The following CLBA1 variants were observed in gnomAD, a reference collection of about 807,000 sequenced individuals.
The protein encoded by CLBA1 is uncharacterized protein CLBA1.
CLBA1 carries 30 observed loss-of-function variants against 28.8 expected under a neutral mutation model. The ratio of observed to expected loss-of-function variants is 1.04; its 90% confidence interval spans 0.78 to 1.41. CLBA1 has a LOEUF of 1.41. Ranked by LOEUF, CLBA1 falls within the 40% of genes most tolerant of loss-of-function variation. The pLI is 0.00. For synonymous variants in CLBA1, 160 were observed against 152.8 expected (o/e 1.05, Z -0.35); for missense variants, 451 against 412.3 (o/e 1.09, Z -0.81).
chr14:104,988,827 C>A, intron 1 of CLBA1, 116 bp from the exon 2 acceptor site: 2 of 1,093,386 alleles, frequency 1.8e-6, no homozygotes, highest in Non-Finnish European at 2.6e-6. Flanking sequence ...GATAGTAACA[C>A]TAATGGTATG....
downstream of CLBA1, among the ~76,000 whole-genome samples, chr14:104,999,048 A>C (rs1344390092): frequency 6.6e-6 from 1 of 152,226 alleles, no homozygotes; most frequent in Non-Finnish European, 1.5e-5. Context: ...TGGACACTCT[A>C]TCCAGGGCCC....
downstream of CLBA1, among the ~76,000 whole-genome samples, chr14:104,997,948 G>A (rs1260850253): frequency 1.3e-5 from 2 of 152,154 alleles, no homozygotes; most frequent in Admixed American, 6.5e-5. Context: ...GGGGAAGGTT[G>A]CAGTGAGCCG....
chr14:104,994,546 C>T (rs994919466), intron 4 of CLBA1, 52 bp from the exon 5 acceptor site: 22 of 1,556,472 alleles, frequency 1.4e-5, no homozygotes, highest in Middle Eastern at 2.3e-4. Context: ...CCCAAGCTAG[C>T]GCTTCTCATT....
rs1401251035 is a variant in CLBA1, at chr14:104,991,600, G to A, written c.679G>A (p.Gly227Arg). The A allele has an allele frequency of 3.1e-6, 5 of 1,612,910 alleles. No homozygotes were observed. The highest frequency in any genetic ancestry group is 1.1e-5 in the South Asian group (1 of 91,012). ...RCQENFFLVL[G>R]IDAAQKNLSG... ...CCAGGAGAACTTCTTTCTTGTTCTC[G>A]GAATAGATGCTGCGCAGAAGGTAGG... Residue 227 changes from glycine to arginine, a missense_variant, in exon 3 of 5, where the codon GGA (glycine) becomes AGA (arginine). Coordinates refer to ENST00000547315, the MANE Select transcript of CLBA1 (RefSeq NM_174891.4).
At position 104,985,902 on chromosome 14, in the gene CLBA1, C is replaced by A; in HGVS notation, c.-530C>A. ...AGGTGGGTGCGGGGACTCTCGGGAGCCGTGGGCCAGGCGCTTAGCCGGCCA... is the reference window on the plus strand; with the variant it reads ...AGGTGGGTGCGGGGACTCTCGGGAGACGTGGGCCAGGCGCTTAGCCGGCCA... On this transcript the variant is annotated 5_prime_UTR_variant, in exon 1 of 5. Transcript: ENST00000547315. The A allele has an allele frequency of 1.6e-5, 2 of 127,066 alleles. No individual in the cohort carries two copies. Among genetic ancestry groups the A allele is most frequent in the South Asian group, 5.8e-5 (1 of 17,354 alleles). 7.9% of individuals were successfully genotyped at this position (127,066 alleles called of 1,614,324 possible).
In CLBA1 at chr14:104,986,476, C is replaced by T. The variant is rs758772502; in HGVS notation, c.45C>T (p.Leu15=). 1.2e-6 allele frequency: 2 copies of T among 1,613,300 alleles called. No homozygotes were observed. The highest frequency in any genetic ancestry group is 1.7e-6 in the Non-Finnish European group (2 of 1,180,020). ...RELGGEPLSD[L]QEEAASASLR... ...TGGGGGGAGAGCCTTTGAGTGACCT[C>T]CAGGAGGAAGCAGCCAGCGCTTCCC... Residue 15 remains leucine (L), a synonymous_variant, in exon 1 of 5, where the codon CTC becomes CTT. Transcript: ENST00000547315.
chr14:104,987,573 G>C (rs189898805), intron 1 of CLBA1, among the ~76,000 whole-genome samples: 4 of 128,902 alleles, frequency 3.1e-5, no homozygotes, highest in African/African-American at 8.6e-5. Flanking sequence ...AGATATTGTA[G>C]TTCTCAGGGC....
At position 104,985,846 on chromosome 14, in the gene CLBA1, G is replaced by T. The variant is rs748492806; in HGVS notation, c.-586G>T. 21 of 241,202 alleles carry T rather than the reference G, an allele frequency of 8.7e-5. No individual in the cohort carries two copies. The highest frequency in any genetic ancestry group is 1.3e-4 in the Non-Finnish European group (16 of 123,746). 14.9% of individuals were successfully genotyped at this position (241,202 alleles called of 1,614,324 possible). On this transcript the variant is annotated 5_prime_UTR_variant, in exon 1 of 5. Coordinates refer to ENST00000547315, the MANE Select transcript of CLBA1 (RefSeq NM_174891.4). ...CTGGTTGCAGGTTTCTCTCGCCCTG[G>T]TCCCGCGCGGCCCCGCCGAGGCGGC...
Position 104,986,065 on chromosome 14 carries a change from C to T in CLBA1, c.-367C>T, listed in dbSNP as rs1251672336. On this transcript the variant is annotated 5_prime_UTR_variant, in exon 1 of 5. Coordinates refer to ENST00000547315, the MANE Select transcript of CLBA1 (RefSeq NM_174891.4). ...CCGCGGGCGCCCGGCTCTCGCTCCTCTGGCCAGCGTGGGCCTCCCAGGCCC... is the reference window on the plus strand; with the variant it reads ...CCGCGGGCGCCCGGCTCTCGCTCCTTTGGCCAGCGTGGGCCTCCCAGGCCC... 1 of 283,488 alleles carries T rather than the reference C, an allele frequency of 3.5e-6. No individual in the cohort carries two copies. The highest frequency in any genetic ancestry group is 8.5e-5 in the East Asian group (1 of 11,828). 17.6% of individuals were successfully genotyped at this position (283,488 alleles called of 1,614,324 possible).
At chr14:104,993,622 T>C in intron 4 of CLBA1, 1 of 985,452 alleles carries the variant, frequency 1.0e-6, no homozygotes, top group Non-Finnish European at 1.2e-6. Flanking sequence ...GACTTCTTCT[T>C]GCAGCTCTCT....
chr14:104,995,558 G>A, downstream of CLBA1: 2 of 956,290 alleles, frequency 2.1e-6, no homozygotes, highest in Non-Finnish European at 2.5e-6. Flanking sequence ...ACTGATACCT[G>A]AAATCCTGTC....
downstream of CLBA1, among the ~76,000 whole-genome samples, chr14:104,997,293 T>C (rs193278203): frequency 6.6e-6 from 1 of 152,162 alleles, no homozygotes; most frequent in African/African-American, 2.4e-5. Flanking sequence ...ATCAGTTAAC[T>C]TGAAGATTGG....
chr14:104,999,242 AT>A, downstream of CLBA1: 1 of 985,298 alleles, frequency 1.0e-6, no homozygotes, highest in Non-Finnish European at 1.2e-6. Context: ...GAACGTGACC[AT>A]CACCTGACCT....
chr14:105,000,322 G>A (rs1028324287), downstream of CLBA1, among the ~76,000 whole-genome samples: 2 of 151,170 alleles, frequency 1.3e-5, no homozygotes, highest in African/African-American at 2.4e-5. Flanking sequence ...CCCAGGCTGG[G>A]GTGCAATGGT....
chr14:104,986,347 G>A lies in CLBA1; in HGVS notation c.-85G>A. 1 of 1,421,222 alleles carries A rather than the reference G, an allele frequency of 7.0e-7. No individual in the cohort carries two copies. 88.0% of individuals were successfully genotyped at this position (1,421,222 alleles called of 1,614,324 possible). The stretch of plus-strand genomic sequence containing the variant: ...GCCCTCTCCAGGGCAGGGGAAGGTT[G>A]GGCAGTCCTGGGCGGCCAGCACCCC... On this transcript the variant is annotated 5_prime_UTR_variant, in exon 1 of 5. Coordinates refer to ENST00000547315, the MANE Select transcript of CLBA1 (RefSeq NM_174891.4).
At chr14:105,000,603 C>A (rs1476418396) in intron 2 of CLBA1, among the ~76,000 whole-genome samples, 5 of 151,972 alleles carry the variant, frequency 3.3e-5, no homozygotes, top group Admixed American at 1.3e-4. Flanking sequence ...ATATATATAT[C>A]TATTTTTATA....
chr14:104,993,000 C>G lies in CLBA1; in HGVS notation c.752C>G (p.Pro251Arg). The change falls in exon 4 of 5, where the codon CCT becomes CGT. Residue 251 changes from proline to arginine, a missense_variant. Physicochemically the swap from Pro to Arg is moderately radical, Grantham distance 103 (BLOSUM62 -2). Coordinates refer to ENST00000547315, the MANE Select transcript of CLBA1 (RefSeq NM_174891.4). ...HIMEDCDLKE[P>R]EGLLTVSSFC... ...ATGGAAGATTGTGACCTCAAAGAGC[C>G]TGAAGGACTCCTCACTGTCAGCAGC... The G allele has an allele frequency of 6.2e-7, 1 of 1,614,166 alleles. No individual in the cohort carries two copies. The highest frequency in any genetic ancestry group is 1.6e-4 in the Middle Eastern group (1 of 6,062).
chr14:104,992,638 A>G (rs189075092), intron 3 of CLBA1, among the ~76,000 whole-genome samples: 293 of 152,376 alleles, frequency 1.9e-3, no homozygotes, highest in Admixed American at 4.4e-3. Context: ...AGGCCTGAAT[A>G]GAAGCCTCAG....
chr14:104,986,936 T>A, intron 1 of CLBA1, 82 bp downstream of exon 1: 1 of 1,497,238 alleles, frequency 6.7e-7, no homozygotes, highest in Non-Finnish European at 9.1e-7. Flanking sequence ...TGCTGTGGCG[T>A]GCTGGCCAGG....
Sources: allele counts gnomAD v4.1 joint callset (sites outside exome capture counted in the v4.1 genomes callset), GRCh38; gene constraint gnomAD v4.1.1; transcripts MANE v1.5; gene names NCBI Gene and HGNC (gene_info 2026-07-23, HGNC 2026-07-21).